Variants in TAX1BP1 observed in about 807,000 individuals in gnomAD.
TAX1BP1 encodes the protein Tax1 binding protein 1.
TAX1BP1 carries 62 observed loss-of-function variants against 97.7 expected under a neutral mutation model. That is an observed-to-expected ratio of 0.63 (90% confidence interval 0.52 to 0.78). The LOEUF is 0.78. Ranked by LOEUF, TAX1BP1 falls within the 30% of genes least tolerant of loss-of-function variation. TAX1BP1 has a pLI of 0.00. For missense variants in TAX1BP1, 867 were observed against 916.1 expected, an observed-to-expected ratio of 0.95 and a Z score of 0.69; for synonymous variants, 340 against 304.2, an observed-to-expected ratio of 1.12 and a Z score of -1.23.
intron 3 of TAX1BP1, among the ~76,000 whole-genome samples, chr7:27,763,051 A>G (rs1788487786): frequency 6.6e-6 from 1 of 152,210 alleles, no homozygotes; most frequent in African/African-American, 2.4e-5. Flanking sequence ...TCAGAAATAA[A>G]AGCATCTCCG....
chr7:27,816,958 C>G lies in TAX1BP1; in HGVS notation c.2005C>G (p.Leu669Val), dbSNP rs1762719148. The G allele has an allele frequency of 7.4e-6, 12 of 1,614,082 alleles. No individual in the cohort carries two copies. The highest frequency in any genetic ancestry group is 9.3e-6 in the Non-Finnish European group (11 of 1,179,986). Reference protein sequence around the residue: ...RPPVRVPSWGLEDNVVCSQPA... With the variant: ...RPPVRVPSWGVEDNVVCSQPA... ...ACCTGTCAGAGTCCCCTCTTGGGGA[C>G]TGGAAGACAATGTTGTCTGCAGCCA... The change falls in exon 15 of 17, where the codon CTG (leucine) becomes GTG (valine). Residue 669 changes from leucine (L) to valine (V), a missense_variant. Leu to Val is a conservative substitution (Grantham distance 32). Coordinates refer to ENST00000396319, the MANE Select transcript of TAX1BP1 (RefSeq NM_006024.7).
At chr7:27,799,836 AT>A in intron 12 of TAX1BP1, 128 bp from the exon 13 acceptor site, 1 of 570,052 alleles carries the variant, frequency 1.8e-6, no homozygotes, top group Non-Finnish European at 2.8e-6. Context: ...TAGACATTTG[AT>A]TATTCCAATT....
At chr7:27,762,093 G>A (rs1788449660) in intron 3 of TAX1BP1, among the ~76,000 whole-genome samples, 1 of 152,160 alleles carries the variant, frequency 6.6e-6, no homozygotes, top group South Asian at 2.1e-4. Flanking sequence ...AATTGGCAAT[G>A]TGAGTTCATG....
chr7:27,759,934 A>G (rs976516887), intron 3 of TAX1BP1, among the ~76,000 whole-genome samples: 3 of 151,524 alleles, frequency 2.0e-5, no homozygotes, highest in Admixed American at 6.6e-5. Context: ...GTTCACTGCA[A>G]TCTCTGCCTG....
At chr7:27,766,452 A>C (rs1304015236) in intron 4 of TAX1BP1, among the ~76,000 whole-genome samples, 1 of 117,722 alleles carries the variant, frequency 8.5e-6, no homozygotes, top group East Asian at 3.1e-4. Flanking sequence ...AAAAAAAAAA[A>C]AAAAAAAAAA....
chr7:27,821,796 CA>C (rs1049011915), intron 15 of TAX1BP1, among the ~76,000 whole-genome samples: 2 of 151,726 alleles, frequency 1.3e-5, no homozygotes, highest in Non-Finnish European at 2.9e-5. Context: ...TCCTCACCAG[CA>C]AAAAAAACCC....
upstream of TAX1BP1, chr7:27,739,604 TAGAATC>T (rs1787489265): frequency 6.6e-6 from 1 of 151,922 alleles, no homozygotes; most frequent in African/African-American, 2.4e-5. Context: ...CGAGAGCAAA[TAGAATC>T]AGAGGGCATT....
In TAX1BP1 at chr7:27,816,540, T is replaced by TTTGGGA; in HGVS notation, c.1936+23_1936+28dup. 6.6e-7 allele frequency: 1 copy of TTTGGGA among 1,513,974 alleles called. No homozygotes were observed. The highest frequency in any genetic ancestry group is 1.5e-5 in the African/African-American group (1 of 68,838). The allele number at this position is 1,513,974 out of a possible 1,614,324, so 93.8% of individuals were successfully genotyped here. On this transcript the variant is annotated intron_variant, in intron 14 of 16. Coordinates refer to ENST00000396319, the MANE Select transcript of TAX1BP1 (RefSeq NM_006024.7). Reference sequence around the variant, plus strand: ...CAAGAGGTTATTACAGTATTTTTGGTTTGGGATTAGCTGCATCTGGAGATT... The same window carrying TTTGGGA: ...CAAGAGGTTATTACAGTATTTTTGGTTTGGGATTGGGATTAGCTGCATCTGGAGATT...
intron 15 of TAX1BP1, among the ~76,000 whole-genome samples, chr7:27,822,329 C>T (rs1029067293): frequency 6.6e-6 from 1 of 152,092 alleles, no homozygotes; most frequent in African/African-American, 2.4e-5. Flanking sequence ...CTTTTTACTT[C>T]TTTGGGGAAA....
chr7:27,796,084 T>A, intron 11 of TAX1BP1, 32 bp from the exon 12 acceptor site: 1 of 1,553,848 alleles, frequency 6.4e-7, no homozygotes, highest in Non-Finnish European at 8.8e-7. Context: ...GCAAAATACT[T>A]TTTAACAGTC....
In TAX1BP1 at chr7:27,743,767, A is replaced by ATTTTTTTTTTTTTTT. The variant is rs58774608; in HGVS notation, c.-8+3533_-8+3547dup. Among the ~76,000 whole-genome samples, 2 of 10,492 alleles carry ATTTTTTTTTTTTTTT rather than the reference A, an allele frequency of 1.9e-4. 1 individual carries two copies. Among genetic ancestry groups the ATTTTTTTTTTTTTTT allele is most frequent in the African/African-American group, 1.5e-3 (2 of 1,330 alleles). The allele number at this position is 10,492 out of a possible 152,430, so 6.9% of individuals were successfully genotyped here. A position where few individuals can be genotyped will look rare whatever the true frequency, so the allele number is the denominator to read the frequency against. ...CACTTACAGTTAGTTTAGTATCTTT[A>ATTTTTTTTTTTTTTT]TTTTTTTTTTTTTTTTTTTTTTTTT... On this transcript the variant is annotated intron_variant, in intron 1 of 16. Coordinates refer to ENST00000396319, the MANE Select transcript of TAX1BP1 (RefSeq NM_006024.7).
chr7:27,797,933 A>G (rs570370054), intron 12 of TAX1BP1, among the ~76,000 whole-genome samples: 2 of 152,034 alleles, frequency 1.3e-5, no homozygotes, highest in Admixed American at 1.3e-4. Flanking sequence ...ATCAGTTTTG[A>G]CATACACAGT....
Position 27,816,895 on chromosome 7 carries a change from G to C in TAX1BP1, c.1942G>C (p.Ala648Pro), listed in dbSNP as rs764523104. 5 of 1,613,918 alleles carry C rather than the reference G, an allele frequency of 3.1e-6. No individual in the cohort carries two copies. The South Asian group carries it at 4.4e-5, about 14-fold the overall frequency. The change falls in exon 15 of 17, where the codon GCA (alanine) becomes CCA (proline). Residue 648 changes from alanine (A) to proline (P), a missense_variant. By Grantham distance (27) the Ala-to-Pro change is conservative. Transcript: ENST00000396319. Reference protein sequence around the residue: ...PYASQETRDGADGAFYPDEIQ... With the variant: ...PYASQETRDGPDGAFYPDEIQ... Reference sequence around the variant, plus strand: ...TTCCAAAAATTTTATTACAGATGGAGCAGATGGTGCTTTTTACCCAGATGA... The same window carrying C: ...TTCCAAAAATTTTATTACAGATGGACCAGATGGTGCTTTTTACCCAGATGA...
rs1583406926 is a variant in TAX1BP1, at chr7:27,816,952, T to G, written c.1999T>G (p.Trp667Gly). 1 of 1,614,020 alleles carries G rather than the reference T, an allele frequency of 6.2e-7. No individual in the cohort carries two copies. ...IQRPPVRVPS[W>G]GLEDNVVCSQ... is the part of the protein sequence containing the mutation. ...AAGGCCACCTGTCAGAGTCCCCTCT[T>G]GGGGACTGGAAGACAATGTTGTCTG... Residue 667 changes from tryptophan to glycine, a missense_variant, in exon 15 of 17, where the codon TGG becomes GGG. Physicochemically the swap from Trp to Gly is radical, Grantham distance 184. This residue lies in a region of TAX1BP1 where 822 missense variants were observed against 851.4 expected (regional missense o/e 0.97). Transcript: ENST00000396319.
At chr7:27,764,416 T>C (rs966277255) in intron 3 of TAX1BP1, among the ~76,000 whole-genome samples, 1 of 152,220 alleles carries the variant, frequency 6.6e-6, no homozygotes, top group Non-Finnish European at 1.5e-5. Flanking sequence ...TAGATTGAAG[T>C]TATGCATTTT....
At chr7:27,768,158 A>G (rs1321352154) in intron 4 of TAX1BP1, among the ~76,000 whole-genome samples, 2 of 152,022 alleles carry the variant, frequency 1.3e-5, no homozygotes, top group South Asian at 2.1e-4. Flanking sequence ...AACTGTCCTT[A>G]TTAGGTGATG....
Position 27,796,105 on chromosome 7 carries a change from C to T in TAX1BP1, c.1535-11C>T. ...TACTTTTTAACAGTCTTATATTCTG[C>T]CTTTCTACAGCAGAGGCAGATTTTG... On this transcript the variant is annotated splice_polypyrimidine_tract_variant and intron_variant, in intron 11 of 16. Transcript: ENST00000396319. The T allele has an allele frequency of 1.2e-6, 2 of 1,601,314 alleles. No individual in the cohort carries two copies. Among genetic ancestry groups the T allele is most frequent in the South Asian group, 1.1e-5 (1 of 88,128 alleles).
At chr7:27,826,243 T>G (rs1791174059) in intron 15 of TAX1BP1, among the ~76,000 whole-genome samples, 1 of 152,218 alleles carries the variant, frequency 6.6e-6, no homozygotes, top group South Asian at 2.1e-4. Flanking sequence ...ATCTCCCAAT[T>G]TAATCCCCCA....
chr7:27,796,489 A>G (rs908265749), intron 12 of TAX1BP1, among the ~76,000 whole-genome samples: 1 of 152,218 alleles, frequency 6.6e-6, no homozygotes, highest in African/African-American at 2.4e-5. Context: ...TAGTTAATTG[A>G]GGTTAGAAAT....
Sources: gnomAD v4.1 joint callset for allele counts (sites outside exome capture counted in the v4.1 genomes callset) on GRCh38, gnomAD v4.1.1 for gene constraint, gnomAD v4.1.1 regional missense constraint, MANE v1.5 for transcripts, NCBI Gene and HGNC (gene_info 2026-07-23, HGNC 2026-07-21) for gene names.